Variants in SPAG16 observed in about 807,000 individuals in gnomAD.
SPAG16 encodes sperm associated antigen 16.
In SPAG16, 86 loss-of-function variants were observed where a neutral mutation model predicts 80.4. That is an observed-to-expected ratio of 1.07 (90% CI 0.90 to 1.28). The LOEUF is 1.28. Ranked by LOEUF, SPAG16 falls within the 50% of genes most tolerant of loss-of-function variation. The pLI, the probability that SPAG16 is intolerant of heterozygous loss-of-function variation, is 0.00. For missense variants in SPAG16, 870 were observed against 765.3 expected (o/e 1.14, Z -1.61); for synonymous variants, 294 against 265.9 (o/e 1.11, Z -1.03).
intron 13 of SPAG16, among the ~76,000 whole-genome samples, chr2:214,030,438 G>A (rs1160391002): frequency 6.6e-6 from 1 of 152,118 alleles, no homozygotes; most frequent in Non-Finnish European, 1.5e-5. Flanking sequence ...CAGATAAATG[G>A]ATAAACACAC....
intron 15 of SPAG16, among the ~76,000 whole-genome samples, chr2:214,211,174 A>C (rs543308373): frequency 1.1e-3 from 166 of 152,292 alleles, no homozygotes; most frequent in Non-Finnish European, 2.0e-3. Context: ...GGCAAAAAAA[A>C]ATTCCCTACA....
chr2:214,163,643 G>GAA, intron 15 of SPAG16, among the ~76,000 whole-genome samples: 1 of 150,704 alleles, frequency 6.6e-6, no homozygotes, highest in South Asian at 2.1e-4. Context: ...TATATAGAGA[G>GAA]AGAGAGAGAA....
At chr2:213,428,876 G>A (rs1382602987) in intron 9 of SPAG16, among the ~76,000 whole-genome samples, 3 of 152,038 alleles carry the variant, frequency 2.0e-5, no homozygotes, top group East Asian at 1.9e-4. Context: ...CAGGTCACGA[G>A]GTCAGTAGTT....
intron 13 of SPAG16, among the ~76,000 whole-genome samples, chr2:214,058,192 T>G (rs1168430594): frequency 6.6e-6 from 1 of 152,204 alleles, no homozygotes; most frequent in African/African-American, 2.4e-5. Context: ...TGTGTAAGTG[T>G]ACATGCCTTC....
intron 12 of SPAG16, among the ~76,000 whole-genome samples, chr2:213,990,928 C>T (rs538042959): frequency 6.6e-6 from 1 of 152,270 alleles, no homozygotes; most frequent in East Asian, 1.9e-4. Context: ...GAAACAGCAA[C>T]AGCAGTAGCT....
chr2:213,895,635 G>A (rs964560193), intron 11 of SPAG16, among the ~76,000 whole-genome samples: 1 of 152,094 alleles, frequency 6.6e-6, no homozygotes, highest in Non-Finnish European at 1.5e-5. Context: ...TTTGGCTAAG[G>A]TGCTAAGAAC....
At chr2:213,535,621 T>A in intron 10 of SPAG16, among the ~76,000 whole-genome samples, 1 of 152,168 alleles carries the variant, frequency 6.6e-6, no homozygotes, top group East Asian at 1.9e-4. Context: ...TAAACAATAT[T>A]CAGAACTCTA....
At chr2:214,246,457 C>T (rs1345873742) in intron 15 of SPAG16, among the ~76,000 whole-genome samples, 1 of 152,126 alleles carries the variant, frequency 6.6e-6, no homozygotes, top group Non-Finnish European at 1.5e-5. Context: ...TGAGTGACTT[C>T]TGAAGGTTGA....
intron 11 of SPAG16, among the ~76,000 whole-genome samples, chr2:213,929,709 A>G (rs1008585988): frequency 2.6e-5 from 4 of 152,202 alleles, no homozygotes; most frequent in Admixed American, 6.5e-5. Context: ...ATTAATCTAG[A>G]AGAATCTAGC....
chr2:213,869,185 G>A (rs180792764), intron 11 of SPAG16, among the ~76,000 whole-genome samples: 6 of 148,842 alleles, frequency 4.0e-5, no homozygotes, highest in Admixed American at 1.3e-4. Flanking sequence ...CCCGGGAGGC[G>A]GAGGTTGCAG....
chr2:213,802,801 C>A (rs979225419), intron 10 of SPAG16, among the ~76,000 whole-genome samples: 3 of 151,908 alleles, frequency 2.0e-5, no homozygotes, highest in Non-Finnish European at 4.4e-5. Context: ...CTGTCTCTCT[C>A]TTTTTTTAAT....
intron 13 of SPAG16, among the ~76,000 whole-genome samples, chr2:214,065,738 C>T (rs559332128): frequency 3.5e-4 from 53 of 152,064 alleles, no homozygotes; most frequent in Non-Finnish European, 6.5e-4. Flanking sequence ...TATGTGAGGG[C>T]CTGGTTAAAA....
chr2:214,088,637 T>C (rs1217788609), intron 13 of SPAG16, among the ~76,000 whole-genome samples: 1 of 152,014 alleles, frequency 6.6e-6, no homozygotes, highest in African/African-American at 2.4e-5. Flanking sequence ...TAGAAAATTA[T>C]AAATTAATAA....
intron 3 of SPAG16, among the ~76,000 whole-genome samples, chr2:213,301,578 C>A (rs142850293): frequency 6.6e-6 from 1 of 151,910 alleles, no homozygotes; most frequent in African/African-American, 2.4e-5. Flanking sequence ...TTCTCTTTAC[C>A]TTCATCCTCA....
chr2:214,121,958 T>C (rs2054241303), intron 14 of SPAG16, among the ~76,000 whole-genome samples: 1 of 151,844 alleles, frequency 6.6e-6, no homozygotes, highest in Non-Finnish European at 1.5e-5. Context: ...AACATTTCTA[T>C]TCCTAAGAAT....
chr2:213,526,837 C>G (rs1463221938), intron 10 of SPAG16, among the ~76,000 whole-genome samples: 1 of 152,120 alleles, frequency 6.6e-6, no homozygotes, highest in Non-Finnish European at 1.5e-5. Context: ...ATGTCCTAAA[C>G]TTGAGAATGT....
intron 10 of SPAG16, among the ~76,000 whole-genome samples, chr2:213,668,182 A>T (rs919617794): frequency 1.3e-5 from 2 of 151,770 alleles, no homozygotes; most frequent in East Asian, 3.9e-4. Flanking sequence ...CAGGTGATCC[A>T]CCCACCTCAG....
At chr2:214,372,408 A>C (rs536195762) in intron 15 of SPAG16, among the ~76,000 whole-genome samples, 1 of 152,332 alleles carries the variant, frequency 6.6e-6, no homozygotes, top group African/African-American at 2.4e-5. Context: ...TTCTTTCCTA[A>C]AACAAAAAAA....
At chr2:213,757,460 A>G (rs545880928) in intron 10 of SPAG16, among the ~76,000 whole-genome samples, 26 of 152,318 alleles carry the variant, frequency 1.7e-4, no homozygotes, top group Non-Finnish European at 4.4e-5. Flanking sequence ...ATATTACAAA[A>G]TTACAGTAGT....
Sources: gnomAD v4.1 joint callset for allele counts (sites outside exome capture counted in the v4.1 genomes callset) on GRCh38, gnomAD v4.1.1 for gene constraint, MANE v1.5 for transcripts, NCBI Gene and HGNC (gene_info 2026-07-23, HGNC 2026-07-21) for gene names.